The following EVC2 variants were observed in gnomAD, a reference collection of about 807,000 sequenced individuals.
EVC2 encodes limbin.
In EVC2, 148 loss-of-function variants were observed where a neutral mutation model predicts 149.3. The ratio of observed to expected loss-of-function variants is 0.99; its 90% CI spans 0.87 to 1.14. EVC2 has a LOEUF of 1.14. Ranked by LOEUF, EVC2 falls within the 50% of genes most tolerant of loss-of-function variation. EVC2 has a pLI of 0.00. For synonymous variants in EVC2, 776 were observed against 649.9 expected (o/e 1.19, Z -2.95); for missense variants, 1,854 against 1,627.3 (o/e 1.14, Z -2.40).
chr4:5,681,308 T>A lies in EVC2; in HGVS notation c.822A>T (p.Arg274Ser). Residue 274 changes from arginine to serine, a missense_variant, in exon 7 of 22, where the codon AGA (arginine) becomes AGT (serine). By Grantham distance (110) the Arg-to-Ser change is moderately radical (BLOSUM62 -1). Coordinates refer to ENST00000344408, the MANE Select transcript of EVC2 (RefSeq NM_147127.5). ...QLTFQSSSRN[R>S]TQLKVLFSIT... ...TGGAAAAAAGCACTTTCAGCTGTGT[T>A]CTGTTCTAGAAAAGGAAAAAAGAAA... 6.2e-7 allele frequency: 1 copy of A among 1,614,224 alleles called. No individual in the cohort carries two copies.
At chr4:5,597,279 G>A (rs1021221588) in intron 16 of EVC2, among the ~76,000 whole-genome samples, 14 of 152,258 alleles carry the variant, frequency 9.2e-5, no homozygotes, top group East Asian at 1.9e-4. Flanking sequence ...GAGAATTTTA[G>A]ACCAATATCC....
chr4:5,628,326 G>A (rs901510317), intron 12 of EVC2, among the ~76,000 whole-genome samples: 3 of 151,880 alleles, frequency 2.0e-5, no homozygotes, highest in Non-Finnish European at 2.9e-5. Context: ...TAGTTATCAC[G>A]GGTTTGACTC....
chr4:5,649,959 T>C (rs1159411284), intron 9 of EVC2, among the ~76,000 whole-genome samples: 1 of 152,166 alleles, frequency 6.6e-6, no homozygotes, highest in Non-Finnish European at 1.5e-5. Context: ...AGAGTAAAAA[T>C]AGTCACCTAC....
intron 19 of EVC2, among the ~76,000 whole-genome samples, chr4:5,571,087 G>A (rs181366409): frequency 6.6e-6 from 1 of 151,968 alleles, no homozygotes; most frequent in African/African-American, 2.4e-5. Context: ...AGGCTGAGGC[G>A]GGTGGACTGC....
chr4:5,626,068 A>G (rs1201896340), intron 12 of EVC2, among the ~76,000 whole-genome samples, 160 bp from the exon 13 acceptor site: 2 of 152,160 alleles, frequency 1.3e-5, no homozygotes, highest in Non-Finnish European at 2.9e-5. Flanking sequence ...AGATATTACT[A>G]AAGTACTAGC....
chr4:5,631,565 A>C (rs1716530553), intron 11 of EVC2, among the ~76,000 whole-genome samples: 2 of 131,738 alleles, frequency 1.5e-5, no homozygotes, highest in Admixed American at 1.6e-4. Context: ...CACGCAGTAG[A>C]CTGGGGGGGG....
At chr4:5,558,360 A>G (rs1225105566), downstream of EVC2, among the ~76,000 whole-genome samples, 1 of 152,208 alleles carries the variant, frequency 6.6e-6, no homozygotes, top group Non-Finnish European at 1.5e-5. Context: ...CCAGGGGTCC[A>G]GGTGGAGGAG....
intron 16 of EVC2, among the ~76,000 whole-genome samples, chr4:5,612,988 G>A (rs958659541): frequency 6.6e-6 from 1 of 151,826 alleles, no homozygotes; most frequent in Non-Finnish European, 1.5e-5. Flanking sequence ...GACGAGGTAG[G>A]GGCCAGGGAG....
chr4:5,647,775 C>A (rs1717830323), intron 9 of EVC2, among the ~76,000 whole-genome samples: 1 of 152,170 alleles, frequency 6.6e-6, no homozygotes, highest in Non-Finnish European at 1.5e-5. Flanking sequence ...GGTTTCATGG[C>A]AAAGGGGAAT....
chr4:5,646,231 T>C (rs1717700259), intron 9 of EVC2, among the ~76,000 whole-genome samples: 1 of 152,154 alleles, frequency 6.6e-6, no homozygotes, highest in African/African-American at 2.4e-5. Flanking sequence ...GTGCCAGGTC[T>C]ATTTTTTGAT....
intron 21 of EVC2, among the ~76,000 whole-genome samples, chr4:5,553,951 C>T (rs113385706): frequency 6.6e-6 from 1 of 151,998 alleles, no homozygotes; most frequent in Non-Finnish European, 1.5e-5. Context: ...GTAACTGACC[C>T]GGAAATGACA....
intron 17 of EVC2, among the ~76,000 whole-genome samples, chr4:5,577,287 A>G (rs1400077217): frequency 6.6e-6 from 1 of 152,190 alleles, no homozygotes; most frequent in Non-Finnish European, 1.5e-5. Flanking sequence ...CTCCTTGGCC[A>G]AACAGAAGTA....
chr4:5,706,947 G>A (rs1355959941), intron 1 of EVC2, among the ~76,000 whole-genome samples: 4 of 152,094 alleles, frequency 2.6e-5, no homozygotes, highest in African/African-American at 7.2e-5. Flanking sequence ...AGTAGGCACC[G>A]TCCCTCCCTT....
intron 8 of EVC2, 91 bp from the exon 9 acceptor site, chr4:5,663,337 A>C: frequency 1.3e-6 from 2 of 1,572,908 alleles, no homozygotes; most frequent in Non-Finnish European, 1.7e-6. Context: ...AGGGGTCTGC[A>C]GTCTGAGCAC....
At chr4:5,568,983 C>A (rs1722483702) in intron 19 of EVC2, among the ~76,000 whole-genome samples, 1 of 152,170 alleles carries the variant, frequency 6.6e-6, no homozygotes, top group Non-Finnish European at 1.5e-5. Context: ...CCATTAGGCA[C>A]CAGGCGAGCA....
At chr4:5,565,221 C>A (rs758910232) in intron 21 of EVC2, 37 bp downstream of exon 21, 45 of 1,603,248 alleles carry the variant, frequency 2.8e-5, no homozygotes, top group Middle Eastern at 3.3e-4. Flanking sequence ...CTTAGCTCAC[C>A]CCCTCCCCAG....
At chr4:5,688,888 C>G (rs761502640) in intron 5 of EVC2, among the ~76,000 whole-genome samples, 1 of 152,162 alleles carries the variant, frequency 6.6e-6, no homozygotes, top group Non-Finnish European at 1.5e-5. Flanking sequence ...TAAAAATAGA[C>G]TATGTATTTT....
chr4:5,642,259 A>G (rs1413221441), intron 9 of EVC2, among the ~76,000 whole-genome samples: 1 of 152,204 alleles, frequency 6.6e-6, no homozygotes, highest in Non-Finnish European at 1.5e-5. Flanking sequence ...GAAGGTCATC[A>G]TTCAATTAGA....
chr4:5,603,591 G>A (rs142103419), intron 16 of EVC2, among the ~76,000 whole-genome samples: 1 of 152,332 alleles, frequency 6.6e-6, no homozygotes, highest in African/African-American at 2.4e-5. Context: ...TAATTGCCAA[G>A]GCAGCTGCAG....
Sources: allele counts gnomAD v4.1 joint callset (sites outside exome capture counted in the v4.1 genomes callset), GRCh38; gene constraint gnomAD v4.1.1; transcripts MANE v1.5; gene names NCBI Gene and HGNC (gene_info 2026-07-23, HGNC 2026-07-21).